ARFGAP3: variants seen among roughly 807,000 people sequenced by gnomAD.
ARFGAP3 encodes the protein ADP-ribosylation factor GTPase-activating protein 3.
A neutral mutation model predicts 75.0 loss-of-function variants in ARFGAP3; 72 were observed. The ratio of observed to expected loss-of-function variants is 0.96; its 90% CI spans 0.79 to 1.17. The LOEUF is 1.17. Ranked by LOEUF, ARFGAP3 falls within the 50% of genes most tolerant of loss-of-function variation. ARFGAP3 has a pLI of 0.00. For missense variants in ARFGAP3, 620 were observed against 626.6 expected (o/e 0.99, Z 0.11); for synonymous variants, 221 against 217.9 (o/e 1.01, Z -0.13).
At chr22:42,818,024 C>G in intron 9 of ARFGAP3, 167 bp from the exon 10 acceptor site, 16 of 578,160 alleles carry the variant, frequency 2.8e-5, no homozygotes, top group Non-Finnish European at 2.6e-5. Context: ...CTTTTTTGAA[C>G]AGACGTTTAA....
intron 11 of ARFGAP3, among the ~76,000 whole-genome samples, chr22:42,814,821 C>CT (rs1232591379): frequency 6.6e-6 from 1 of 152,196 alleles, no homozygotes; most frequent in East Asian, 1.9e-4. Context: ...ACTGTAACCT[C>CT]TGCCTCCCAG....
intron 9 of ARFGAP3, among the ~76,000 whole-genome samples, chr22:42,821,742 T>TG (rs769300250): frequency 4.6e-5 from 7 of 152,190 alleles, no homozygotes; most frequent in Non-Finnish European, 7.3e-5. Context: ...TTCTCTTGAG[T>TG]ATATACTTAG....
chr22:42,800,470 G>A (rs1924806912), intron 14 of ARFGAP3, among the ~76,000 whole-genome samples: 1 of 152,216 alleles, frequency 6.6e-6, no homozygotes, highest in African/African-American at 2.4e-5. Context: ...GGTGGAGGTT[G>A]CAGTGAGCCA....
chr22:42,812,193 C>G (rs1305527139), intron 11 of ARFGAP3, among the ~76,000 whole-genome samples: 3 of 138,802 alleles, frequency 2.2e-5, no homozygotes, highest in African/African-American at 8.5e-5. Flanking sequence ...CCACTACACT[C>G]CAGCCTGGGT....
At chr22:42,821,864 G>T (rs1214632289) in intron 9 of ARFGAP3, among the ~76,000 whole-genome samples, 1 of 152,064 alleles carries the variant, frequency 6.6e-6, no homozygotes, top group East Asian at 1.9e-4. Flanking sequence ...AATGTACAAG[G>T]GTTCAAATTT....
At chr22:42,812,221 T>C in intron 11 of ARFGAP3, among the ~76,000 whole-genome samples, 1 of 61,922 alleles carries the variant, frequency 1.6e-5, no homozygotes, top group Non-Finnish European at 2.5e-5. Flanking sequence ...TGGGATACTG[T>C]CTCAAAAAAA....
At position 42,810,954 on chromosome 22, in the gene ARFGAP3, C is replaced by A. The variant is rs1362039862; in HGVS notation, c.1065-10G>T. 1.2e-6 allele frequency: 2 copies of A among 1,613,564 alleles called. No homozygotes were observed. The highest frequency in any genetic ancestry group is 4.5e-5 in the East Asian group (2 of 44,884). On this transcript the variant is annotated splice_polypyrimidine_tract_variant and intron_variant, in intron 11 of 15. Transcript: ENST00000263245. The stretch of plus-strand genomic sequence containing the variant: ...TGGCTCGTCAAAGTAACTGTAGGAG[C>A]AAGAGTACAACAGTGACTTTGGAGG...
chr22:42,834,199 C>CA, intron 5 of ARFGAP3, 43 bp downstream of exon 5: 5 of 1,563,078 alleles, frequency 3.2e-6, no homozygotes, highest in Non-Finnish European at 4.4e-6. Context: ...TGTTAACTGT[C>CA]AGAGTAAGCA....
chr22:42,816,909 T>A (rs1265574135), intron 11 of ARFGAP3, among the ~76,000 whole-genome samples: 1 of 152,200 alleles, frequency 6.6e-6, no homozygotes, highest in Non-Finnish European at 1.5e-5. Context: ...ACCTCTAATT[T>A]TAACTCACAG....
chr22:42,843,655 A>G (rs1454134118), intron 2 of ARFGAP3, among the ~76,000 whole-genome samples: 6 of 152,222 alleles, frequency 3.9e-5, no homozygotes, highest in Non-Finnish European at 8.8e-5. Context: ...TCTCTCATGC[A>G]TAACTTTGCA....
chr22:42,856,805 G>T (rs1158740474), intron 1 of ARFGAP3, among the ~76,000 whole-genome samples: 1 of 137,906 alleles, frequency 7.3e-6, no homozygotes, highest in Non-Finnish European at 1.6e-5. Context: ...CCCCGCCCCC[G>T]CCTCCGCTCA....
intron 7 of ARFGAP3, among the ~76,000 whole-genome samples, chr22:42,826,149 C>T (rs1017055533): frequency 4.6e-5 from 7 of 152,198 alleles, no homozygotes; most frequent in African/African-American, 1.7e-4. Context: ...AGCTGCTTTC[C>T]AACTAATGCA....
intron 1 of ARFGAP3, among the ~76,000 whole-genome samples, chr22:42,849,609 G>C (rs1427861261): frequency 6.8e-6 from 1 of 148,086 alleles, no homozygotes; most frequent in African/African-American, 2.5e-5. Context: ...TGTCACCTAG[G>C]TTGGAGTGCA....
chr22:42,814,685 C>T (rs1032914488), intron 11 of ARFGAP3, among the ~76,000 whole-genome samples: 9 of 152,206 alleles, frequency 5.9e-5, no homozygotes, highest in Non-Finnish European at 1.3e-4. Flanking sequence ...GGCAACCTCA[C>T]TTAGAGCTTT....
intron 6 of ARFGAP3, among the ~76,000 whole-genome samples, chr22:42,828,937 A>C (rs1175494474): frequency 6.6e-6 from 1 of 152,168 alleles, no homozygotes; most frequent in African/African-American, 2.4e-5. Flanking sequence ...CACCCGCCTC[A>C]GCCATCCAAA....
chr22:42,833,901 G>A (rs1926406209), intron 5 of ARFGAP3, among the ~76,000 whole-genome samples: 1 of 152,188 alleles, frequency 6.6e-6, no homozygotes, highest in South Asian at 2.1e-4. Flanking sequence ...GGGAAACAGA[G>A]CCAGATTCAG....
intron 1 of ARFGAP3, among the ~76,000 whole-genome samples, chr22:42,855,101 C>A (rs540526850): frequency 1.3e-4 from 20 of 152,266 alleles, no homozygotes; most frequent in African/African-American, 4.1e-4. Flanking sequence ...CTAGTTCATG[C>A]CCCATTTTCA....
intron 3 of ARFGAP3, among the ~76,000 whole-genome samples, chr22:42,840,222 G>A (rs115977549): frequency 3.3e-5 from 5 of 151,536 alleles, no homozygotes; most frequent in African/African-American, 1.2e-4. Context: ...ATGAGCCACC[G>A]TGCCCAGCTG....
intron 2 of ARFGAP3, among the ~76,000 whole-genome samples, chr22:42,842,819 C>T (rs1168544548): frequency 3.3e-5 from 5 of 152,042 alleles, no homozygotes; most frequent in East Asian, 1.9e-4. Context: ...TCATAAAAAG[C>T]GTTGCCTTTC....
Sources: gnomAD v4.1 joint callset for allele counts (sites outside exome capture counted in the v4.1 genomes callset) on GRCh38, gnomAD v4.1.1 for gene constraint, MANE v1.5 for transcripts, NCBI Gene and HGNC (gene_info 2026-07-23, HGNC 2026-07-21) for gene names.